Variants in DNM3 observed in about 807,000 individuals in gnomAD.
The protein encoded by DNM3 is dynamin-3.
A neutral mutation model predicts 101.6 loss-of-function variants in DNM3; 47 were observed. The observed-to-expected ratio is 0.46, with a 90% CI of 0.37 to 0.59. DNM3 has a LOEUF of 0.59. Among genes scored for constraint, DNM3 ranks in the 20% least tolerant of loss-of-function variants. DNM3 has a pLI of 0.00. For missense variants in DNM3, 849 were observed against 1,085.7 expected (o/e 0.78, Z 3.06); for synonymous variants, 385 against 387.9 (o/e 0.99, Z 0.09).
At position 172,044,369 on chromosome 1, in the gene DNM3, C is replaced by A. The variant is rs1445002096; in HGVS notation, c.1129-16C>A. On this transcript the variant is annotated splice_polypyrimidine_tract_variant and intron_variant, in intron 8 of 20. Transcript: ENST00000627582. ...GGAATTAAGTGTCATAACTATGGCT[C>A]ATTTTGCATCTGCAGATGGAGTTCA... 6.3e-6 allele frequency: 10 copies of A among 1,599,104 alleles called. No individual in the cohort carries two copies. The Admixed American group carries it at 1.0e-4, about 16-fold the overall frequency.
chr1:172,200,673 T>C (rs1007540989), intron 14 of DNM3, among the ~76,000 whole-genome samples: 1 of 152,184 alleles, frequency 6.6e-6, no homozygotes, highest in Non-Finnish European at 1.5e-5. Flanking sequence ...TCTGAGATAC[T>C]TTTCTCAGCT....
At chr1:172,263,527 G>A (rs1427880396) in intron 15 of DNM3, among the ~76,000 whole-genome samples, 1 of 152,158 alleles carries the variant, frequency 6.6e-6, no homozygotes, top group Non-Finnish European at 1.5e-5. Context: ...AGATTTCATG[G>A]ACTCATAGTT....
intron 14 of DNM3, among the ~76,000 whole-genome samples, chr1:172,191,142 G>A (rs542289183): frequency 6.6e-6 from 1 of 152,154 alleles, no homozygotes; most frequent in African/African-American, 2.4e-5. Context: ...GGGTTTTTAT[G>A]GTTTTAGTTC....
At chr1:171,851,282 G>C (rs1232730099) in intron 1 of DNM3, among the ~76,000 whole-genome samples, 1 of 152,188 alleles carries the variant, frequency 6.6e-6, no homozygotes, top group Non-Finnish European at 1.5e-5. Context: ...CCGTAGTGCA[G>C]TGCCGGCATA....
At chr1:172,328,585 C>G (rs532513474) in intron 17 of DNM3, among the ~76,000 whole-genome samples, 1 of 152,068 alleles carries the variant, frequency 6.6e-6, no homozygotes, top group Non-Finnish European at 1.5e-5. Context: ...GGGAGCTGAA[C>G]ATTAAGATCA....
chr1:172,017,181 A>C (rs1317306728), intron 4 of DNM3, among the ~76,000 whole-genome samples: 3 of 152,006 alleles, frequency 2.0e-5, no homozygotes, highest in Non-Finnish European at 4.4e-5. Flanking sequence ...AAATCTTTTC[A>C]AAAAAACAGG....
chr1:172,019,817 T>C (rs2047709441), intron 4 of DNM3, among the ~76,000 whole-genome samples: 1 of 152,210 alleles, frequency 6.6e-6, no homozygotes, highest in Non-Finnish European at 1.5e-5. Context: ...CATTTCTTTT[T>C]ATTCTTTCTT....
At chr1:172,293,990 G>A (rs1420606008) in intron 15 of DNM3, among the ~76,000 whole-genome samples, 2 of 152,140 alleles carry the variant, frequency 1.3e-5, no homozygotes, top group Admixed American at 6.6e-5. Flanking sequence ...CATTTGTCCA[G>A]TTCTACCTTC....
At chr1:172,339,927 T>A (rs144390396) in intron 17 of DNM3, among the ~76,000 whole-genome samples, 1 of 152,308 alleles carries the variant, frequency 6.6e-6, no homozygotes, top group African/African-American at 2.4e-5. Flanking sequence ...ACACCTGATT[T>A]GTGAGGTCAG....
rs2149132879 is a variant in DNM3, at chr1:172,409,154, A to T, written c.*1313A>T. Reference sequence around the variant, plus strand: ...TGATTCACATGTAGGAAACAGCCAGAAGCCAACTGGAATTTTGTGTGCTAA... The same window carrying T: ...TGATTCACATGTAGGAAACAGCCAGTAGCCAACTGGAATTTTGTGTGCTAA... On this transcript the variant is annotated 3_prime_UTR_variant, in exon 21 of 21. Coordinates refer to ENST00000627582, the MANE Select transcript of DNM3 (RefSeq NM_015569.5). 2 of 985,398 alleles carry T rather than the reference A, an allele frequency of 2.0e-6. No individual in the cohort carries two copies. Among genetic ancestry groups the T allele is most frequent in the South Asian group, 4.7e-5 (1 of 21,288 alleles). The allele number at this position is 985,398 out of a possible 1,614,324, so 61.0% of individuals were successfully genotyped here.
chr1:172,035,994 CT>C (rs1233427101), intron 6 of DNM3, among the ~76,000 whole-genome samples: 1 of 150,568 alleles, frequency 6.6e-6, no homozygotes, highest in Non-Finnish European at 1.5e-5. Flanking sequence ...CTTTTTTTTT[CT>C]TTTTTTATTT....
intron 17 of DNM3, among the ~76,000 whole-genome samples, chr1:172,369,523 G>T (rs1313688920): frequency 6.6e-6 from 1 of 151,816 alleles, no homozygotes; most frequent in Non-Finnish European, 1.5e-5. Flanking sequence ...TACTAAACAA[G>T]GAAAATCTGG....
chr1:172,398,785 C>G (rs900313885), intron 20 of DNM3, among the ~76,000 whole-genome samples: 4 of 152,066 alleles, frequency 2.6e-5, no homozygotes, highest in Non-Finnish European at 5.9e-5. Flanking sequence ...ATAGATTTTC[C>G]GTCTAGACTA....
At chr1:172,385,617 T>G (rs2069138482) in intron 18 of DNM3, among the ~76,000 whole-genome samples, 1 of 152,240 alleles carries the variant, frequency 6.6e-6, no homozygotes, top group South Asian at 2.1e-4. Flanking sequence ...GTAGAATTAT[T>G]TACATGTTTT....
chr1:171,900,162 T>C (rs1418332663), intron 1 of DNM3, among the ~76,000 whole-genome samples: 1 of 152,204 alleles, frequency 6.6e-6, no homozygotes, highest in East Asian at 1.9e-4. Flanking sequence ...ATTCGCACTG[T>C]ATGTTTTCAT....
intron 1 of DNM3, among the ~76,000 whole-genome samples, chr1:171,882,555 A>G (rs181811383): frequency 2.6e-5 from 4 of 152,232 alleles, no homozygotes. Flanking sequence ...ATTCTCTTAT[A>G]TAACCACATA....
intron 12 of DNM3, among the ~76,000 whole-genome samples, chr1:172,089,511 A>G (rs2053763595): frequency 6.6e-6 from 1 of 152,210 alleles, no homozygotes; most frequent in Admixed American, 6.5e-5. Context: ...ATGCAGAAGA[A>G]TTATGAGAAA....
intron 1 of DNM3, among the ~76,000 whole-genome samples, chr1:171,911,273 CTTT>C (rs151321245): frequency 1.2e-4 from 11 of 90,750 alleles, no homozygotes; most frequent in Admixed American, 1.5e-4. Context: ...ACCCCAACAT[CTTT>C]TTTTTTTTTT....
chr1:172,016,782 C>T (rs1363469535), intron 4 of DNM3, among the ~76,000 whole-genome samples: 1 of 152,056 alleles, frequency 6.6e-6, no homozygotes, highest in Non-Finnish European at 1.5e-5. Context: ...GAATATAAGC[C>T]TGTTCCAATC....
Sources: allele counts gnomAD v4.1 joint callset (sites outside exome capture counted in the v4.1 genomes callset), GRCh38; gene constraint gnomAD v4.1.1; transcripts MANE v1.5; gene names NCBI Gene and HGNC (gene_info 2026-07-23, HGNC 2026-07-21).